CENPP: variants seen among roughly 807,000 people sequenced by gnomAD.
CENPP encodes centromere protein P.
CENPP carries 24 observed loss-of-function variants against 35.6 expected under a neutral mutation model. That is an observed-to-expected ratio of 0.67 (90% CI 0.49 to 0.95). CENPP has a LOEUF of 0.95. Ranked by LOEUF, CENPP falls within the 40% of genes least tolerant of loss-of-function variation. CENPP has a pLI of 0.00. For synonymous variants in CENPP, 120 were observed against 125.5 expected (o/e 0.96, Z 0.29); for missense variants, 332 against 345.3 (o/e 0.96, Z 0.31).
rs117842778 is a variant in CENPP at position 92,617,648 on chromosome 9, G to A, written c.*4499G>A. On this transcript the variant is annotated 3_prime_UTR_variant, in exon 8 of 8. Coordinates refer to ENST00000375587, the MANE Select transcript of CENPP (RefSeq NM_001012267.3). ...GGGGGCAGCCCTTGCCTGGAAGGCC[G>A]TTCTCCAGGACACTGACCCGCTGGG... 1.9e-3 allele frequency: 296 copies of A among 154,580 alleles called. No individual in the cohort carries two copies. The highest frequency in any genetic ancestry group is 3.4e-3 in the Non-Finnish European group (236 of 69,644). 9.6% of individuals were successfully genotyped at this position (154,580 alleles called of 1,614,324 possible).
At chr9:92,348,842 A>T (rs1210945238) in intron 4 of CENPP, among the ~76,000 whole-genome samples, 1 of 152,242 alleles carries the variant, frequency 6.6e-6, no homozygotes, top group South Asian at 2.1e-4. Flanking sequence ...TAAAAAACAT[A>T]TATCTTTAAA....
At chr9:92,491,885 C>T (rs553420832) in intron 5 of CENPP, among the ~76,000 whole-genome samples, 43 of 152,246 alleles carry the variant, frequency 2.8e-4, no homozygotes, top group African/African-American at 9.6e-4. Context: ...TTCTCATCGC[C>T]TTGAATCTGG....
intron 5 of CENPP, among the ~76,000 whole-genome samples, chr9:92,481,639 C>T (rs980829658): frequency 6.6e-6 from 1 of 152,138 alleles, no homozygotes; most frequent in African/African-American, 2.4e-5. Context: ...TAAATTCTGA[C>T]TGTATACATG....
chr9:92,544,145 G>A (rs915667490), intron 5 of CENPP, among the ~76,000 whole-genome samples: 16 of 150,834 alleles, frequency 1.1e-4, no homozygotes, highest in African/African-American at 1.9e-4. Flanking sequence ...GCTTTTCATC[G>A]TTAAGCATGA....
chr9:92,363,234 TAC>T (rs34936128), intron 4 of CENPP, among the ~76,000 whole-genome samples: 123,908 of 150,886 alleles, frequency 0.82, 50,975 homozygotes, highest in East Asian at 0.93. Flanking sequence ...TATACATATA[TAC>T]ACACACACAC....
chr9:92,514,849 CCCTCCTCCTCCTCATCCTCCT>C, intron 5 of CENPP: 1 of 1,611,728 alleles, frequency 6.2e-7, no homozygotes, highest in Non-Finnish European at 8.5e-7. Flanking sequence ...ACCCTCCTCA[CCCTCCTCCTCCTCATCCTCCT>C]CCTCCTCCCT....
intron 5 of CENPP, chr9:92,523,006 A>G (rs780977324): frequency 7.8e-5 from 78 of 994,884 alleles, no homozygotes; most frequent in Non-Finnish European, 1.1e-4. Context: ...AATTACACTT[A>G]TGATATATGG....
intron 5 of CENPP, 121 bp downstream of exon 5, chr9:92,379,980 C>G (rs577262026): frequency 3.1e-6 from 2 of 648,220 alleles, no homozygotes; most frequent in East Asian, 5.5e-5. Flanking sequence ...TTCTCATTGA[C>G]TTTTGGAATT....
intron 6 of CENPP, 62 bp downstream of exon 6, chr9:92,611,455 G>A (rs1024324313): frequency 3.3e-5 from 43 of 1,312,564 alleles, no homozygotes; most frequent in Non-Finnish European, 4.2e-5. Flanking sequence ...CCAAGTAGGA[G>A]ACCACCTAAG....
chr9:92,584,301 G>A (rs80132753), intron 5 of CENPP, among the ~76,000 whole-genome samples: 1,728 of 152,282 alleles, frequency 0.011, 26 homozygotes, highest in African/African-American at 0.038. Flanking sequence ...GTTTCACATA[G>A]TATTGGCACA....
chr9:92,427,427 T>G (rs1445804250), intron 5 of CENPP, among the ~76,000 whole-genome samples: 1 of 152,076 alleles, frequency 6.6e-6, no homozygotes, highest in East Asian at 1.9e-4. Flanking sequence ...CCTCCCAAAG[T>G]GCTGGGATTA....
At chr9:92,393,166 G>A (rs557318116) in intron 5 of CENPP, 2 of 1,613,738 alleles carry the variant, frequency 1.2e-6, no homozygotes, top group South Asian at 1.1e-5. Flanking sequence ...CTTTGGTAAG[G>A]GTGGTACAGC....
At position 92,618,535 on chromosome 9, in the gene CENPP, C is replaced by T. The variant is rs184462941; in HGVS notation, c.*5386C>T. On this transcript the variant is annotated 3_prime_UTR_variant, in exon 8 of 8. Transcript: ENST00000375587. ...CCCAGCTGCATCCTTGGTCGGGGGGCTGCTGAACAGTGGTATCTTCGTGGG... is the reference window on the plus strand; with the variant it reads ...CCCAGCTGCATCCTTGGTCGGGGGGTTGCTGAACAGTGGTATCTTCGTGGG... The T allele has an allele frequency of 3.0e-3, 1,358 of 456,724 alleles. 5 individuals are homozygous for T. The highest frequency in any genetic ancestry group is 3.9e-3 in the South Asian group (254 of 64,570). 28.3% of individuals were successfully genotyped at this position (456,724 alleles called of 1,614,324 possible).
chr9:92,475,117 A>G (rs1416841089), intron 5 of CENPP, among the ~76,000 whole-genome samples: 1 of 152,210 alleles, frequency 6.6e-6, no homozygotes, highest in Non-Finnish European at 1.5e-5. Context: ...TCTCTTTTTC[A>G]GATAGTAATT....
chr9:92,364,233 A>C (rs750234109), intron 4 of CENPP, among the ~76,000 whole-genome samples: 2 of 151,098 alleles, frequency 1.3e-5, no homozygotes, highest in Non-Finnish European at 2.9e-5. Flanking sequence ...GGGTCTCACT[A>C]TGTGACCCAG....
intron 5 of CENPP, among the ~76,000 whole-genome samples, chr9:92,559,332 C>G (rs1331074918): frequency 6.6e-6 from 1 of 152,178 alleles, no homozygotes; most frequent in Non-Finnish European, 1.5e-5. Context: ...TCACTGGGCT[C>G]TCTAACTTGA....
rs11396197 is a variant in CENPP, at chr9:92,330,688, GT to G, written c.108-1467del. ...TTTAAGTTTTTTTTTTCTTTTCTTTGTTTTTTTTTTTTTTTGTTGAGACAGA... is the reference window on the plus strand; with the variant it reads ...TTTAAGTTTTTTTTTTCTTTTCTTTGTTTTTTTTTTTTTTGTTGAGACAGA... On this transcript the variant is annotated intron_variant, in intron 1 of 7. Coordinates refer to ENST00000375587, the MANE Select transcript of CENPP (RefSeq NM_001012267.3). Among the ~76,000 whole-genome samples the G allele has an allele frequency of 5.3e-3, 637 of 121,206 alleles. 4 individuals are homozygous for G. The highest frequency in any genetic ancestry group is 0.016 in the African/African-American group (532 of 32,790). 79.5% of individuals were successfully genotyped at this position (121,206 alleles called of 152,430 possible).
At chr9:92,538,181 C>A (rs1003306510) in intron 5 of CENPP, among the ~76,000 whole-genome samples, 9 of 152,056 alleles carry the variant, frequency 5.9e-5, no homozygotes, top group Admixed American at 5.9e-4. Flanking sequence ...AAAAGTTAAC[C>A]CAGTTGTGTA....
intron 5 of CENPP, among the ~76,000 whole-genome samples, chr9:92,451,902 C>G (rs2131023141): frequency 6.6e-6 from 1 of 151,942 alleles, no homozygotes; most frequent in East Asian, 1.9e-4. Context: ...CTCTGTTTGT[C>G]TGTTATTGGT....
Sources: gnomAD v4.1 joint callset for allele counts (sites outside exome capture counted in the v4.1 genomes callset) on GRCh38, gnomAD v4.1.1 for gene constraint, MANE v1.5 for transcripts, NCBI Gene and HGNC (gene_info 2026-07-23, HGNC 2026-07-21) for gene names.